LRRTM4: variants seen among roughly 807,000 people sequenced by gnomAD.
LRRTM4 encodes the protein leucine-rich repeat transmembrane neuronal protein 4.
Under a neutral mutation model 47.6 loss-of-function variants are expected in LRRTM4, and 25 were observed. The observed-to-expected ratio is 0.53, with a 90% CI of 0.38 to 0.73. The LOEUF (loss-of-function observed/expected upper bound fraction) is 0.73. Ranked by LOEUF, LRRTM4 falls within the 30% of genes least tolerant of loss-of-function variation. LRRTM4 has a pLI of 0.00. For synonymous variants in LRRTM4, 311 were observed against 269.5 expected (o/e 1.15, Z -1.51); for missense variants, 638 against 713.4 (o/e 0.89, Z 1.20).
At chr2:77,259,714 C>G (rs79838745) in intron 3 of LRRTM4, among the ~76,000 whole-genome samples, 4,705 of 151,964 alleles carry the variant, frequency 0.031, 271 homozygotes, top group African/African-American at 0.11. Context: ...AGGTGAATAT[C>G]CAGGAATGGA....
At chr2:77,310,386 T>TAC (rs1677418989) in intron 3 of LRRTM4, among the ~76,000 whole-genome samples, 1 of 152,118 alleles carries the variant, frequency 6.6e-6, no homozygotes, top group South Asian at 2.1e-4. Flanking sequence ...GAGGCAGTTT[T>TAC]TATCATTAGT....
At chr2:76,824,698 A>G (rs541876091) in intron 3 of LRRTM4, among the ~76,000 whole-genome samples, 3 of 150,684 alleles carry the variant, frequency 2.0e-5, no homozygotes, top group East Asian at 3.9e-4. Context: ...TACTGATTTG[A>G]AACACCGCAA....
intron 3 of LRRTM4, among the ~76,000 whole-genome samples, chr2:77,240,981 C>T (rs146027468): frequency 6.6e-6 from 1 of 151,726 alleles, no homozygotes; most frequent in African/African-American, 2.4e-5. Context: ...CTGATTTTCC[C>T]CAAATTGACC....
At chr2:77,112,883 G>T (rs975711163) in intron 3 of LRRTM4, among the ~76,000 whole-genome samples, 4 of 152,076 alleles carry the variant, frequency 2.6e-5, no homozygotes, top group Admixed American at 2.0e-4. Context: ...CGGAACGCAT[G>T]GCCATTTTAC....
chr2:77,272,333 A>G (rs554291649), intron 3 of LRRTM4, among the ~76,000 whole-genome samples: 31 of 152,302 alleles, frequency 2.0e-4, no homozygotes, highest in Non-Finnish European at 3.5e-4. Context: ...AGAATGAATC[A>G]CTAAAAATTA....
intron 1 of LRRTM4, 120 bp downstream of exon 1, chr2:77,521,989 G>A (rs1020435091): frequency 6.0e-6 from 4 of 669,060 alleles, no homozygotes; most frequent in South Asian, 5.2e-5. Flanking sequence ...GGACCATTGT[G>A]TAATTCACCA....
chr2:77,396,747 G>GT lies in LRRTM4; in HGVS notation c.1551+121570dup, dbSNP rs542277770. Among the ~76,000 whole-genome samples, 963 of 151,458 alleles carry GT rather than the reference G, an allele frequency of 6.4e-3. 8 individuals are homozygous for GT. The highest frequency in any genetic ancestry group is 0.01 in the Middle Eastern group (3 of 294). On this transcript the variant is annotated intron_variant, in intron 3 of 3. Coordinates refer to ENST00000409884, the MANE Select transcript of LRRTM4 (RefSeq NM_001134745.3). Reference sequence around the variant, plus strand: ...GTGAAACCAGGCAATATGCACAATAGTTTTTTTTTCTCAACAACACAGACA... The same window carrying GT: ...GTGAAACCAGGCAATATGCACAATAGTTTTTTTTTTCTCAACAACACAGACA...
At chr2:76,751,841 G>A (rs1672859925) in intron 3 of LRRTM4, among the ~76,000 whole-genome samples, 1 of 152,086 alleles carries the variant, frequency 6.6e-6, no homozygotes, top group Non-Finnish European at 1.5e-5. Context: ...GCTTTCAAAA[G>A]GGATTTCCTA....
intron 3 of LRRTM4, among the ~76,000 whole-genome samples, chr2:76,972,096 T>C (rs1676239335): frequency 6.6e-6 from 1 of 152,016 alleles, no homozygotes; most frequent in African/African-American, 2.4e-5. Context: ...AGTCAGTCAG[T>C]TCTATACTAA....
chr2:77,212,480 G>T lies in LRRTM4; in HGVS notation c.1551+305838C>A, dbSNP rs1008668022. Among the ~76,000 whole-genome samples, 719 of 148,856 alleles carry T rather than the reference G, an allele frequency of 4.8e-3. 6 individuals carry two copies. Among genetic ancestry groups the T allele is most frequent in the African/African-American group, 0.014 (567 of 40,316 alleles). ...AATTATATATATATATATATAGAGAGAGAGAGAGAGAGAGCGAGAGAGTTA... is the reference window on the plus strand; with the variant it reads ...AATTATATATATATATATATAGAGATAGAGAGAGAGAGAGCGAGAGAGTTA... On this transcript the variant is annotated intron_variant, in intron 3 of 3. Coordinates refer to ENST00000409884, the MANE Select transcript of LRRTM4 (RefSeq NM_001134745.3).
At chr2:76,772,207 C>T (rs1369329386) in intron 3 of LRRTM4, among the ~76,000 whole-genome samples, 1 of 152,056 alleles carries the variant, frequency 6.6e-6, no homozygotes, top group African/African-American at 2.4e-5. Context: ...CTCTTTTCCA[C>T]CAAATGCAGA....
intron 3 of LRRTM4, among the ~76,000 whole-genome samples, chr2:76,962,304 C>A (rs1245036657): frequency 6.6e-6 from 1 of 151,100 alleles, no homozygotes; most frequent in East Asian, 2.0e-4. Flanking sequence ...CAAAGTAATA[C>A]GTATTGGTGG....
chr2:76,951,406 G>T (rs954729775), intron 3 of LRRTM4, among the ~76,000 whole-genome samples: 1 of 151,844 alleles, frequency 6.6e-6, no homozygotes, highest in East Asian at 1.9e-4. Context: ...GATAATTACC[G>T]TTAACCTAGA....
intron 3 of LRRTM4, among the ~76,000 whole-genome samples, chr2:77,472,321 A>C (rs1677221079): frequency 6.6e-6 from 1 of 152,162 alleles, no homozygotes; most frequent in Non-Finnish European, 1.5e-5. Flanking sequence ...ACAACATATA[A>C]TAAAGAAAAT....
intron 3 of LRRTM4, among the ~76,000 whole-genome samples, chr2:76,814,535 T>TA (rs1297597449): frequency 6.6e-6 from 1 of 151,938 alleles, no homozygotes; most frequent in Admixed American, 6.6e-5. Flanking sequence ...AAGACAAGAA[T>TA]AAAAAATATC....
intron 3 of LRRTM4, among the ~76,000 whole-genome samples, chr2:77,088,916 C>G (rs1026902639): frequency 1.3e-5 from 2 of 152,060 alleles, no homozygotes; most frequent in Admixed American, 1.3e-4. Context: ...TCAATCTCTC[C>G]CTTCTCTTAA....
chr2:76,767,639 G>A (rs537466430), intron 3 of LRRTM4, among the ~76,000 whole-genome samples: 1 of 152,214 alleles, frequency 6.6e-6, no homozygotes, highest in African/African-American at 2.4e-5. Context: ...TAGCATTCAA[G>A]GCAAGTCTTG....
chr2:76,880,405 G>A (rs764891211), intron 3 of LRRTM4, among the ~76,000 whole-genome samples: 2 of 152,106 alleles, frequency 1.3e-5, no homozygotes, highest in Non-Finnish European at 2.9e-5. Context: ...ATTATCCTTA[G>A]AAATTTTTAG....
intron 3 of LRRTM4, among the ~76,000 whole-genome samples, chr2:77,052,056 C>T (rs1276808205): frequency 6.6e-6 from 1 of 150,556 alleles, no homozygotes; most frequent in African/African-American, 2.5e-5. Context: ...ACATTTTGAC[C>T]TTTGACCATG....
Sources: allele counts gnomAD v4.1 joint callset (sites outside exome capture counted in the v4.1 genomes callset), GRCh38; gene constraint gnomAD v4.1.1; transcripts MANE v1.5; gene names NCBI Gene and HGNC (gene_info 2026-07-23, HGNC 2026-07-21).